The following CELSR3 variants were observed in gnomAD, a reference collection of about 807,000 sequenced individuals.
CELSR3 encodes EGF-like protein 1.
CELSR3 carries 73 observed loss-of-function variants against 270.0 expected under a neutral mutation model. The observed-to-expected ratio is 0.27, with a 90% CI of 0.22 to 0.33. The LOEUF (loss-of-function observed/expected upper bound fraction) is 0.33, where lower values mean the gene tolerates loss of function less well. Ranked by LOEUF, CELSR3 falls within the 10% of genes least tolerant of loss-of-function variation. The pLI is 1.00. For missense variants in CELSR3, 3,614 were observed against 4,533.8 expected (o/e 0.80, Z 5.83); for synonymous variants, 1,780 against 1,905.4 (o/e 0.93, Z 1.71).
In CELSR3 at chr3:48,646,158, T is replaced by C. The variant is rs144325241; in HGVS notation, c.7395A>G (p.Leu2465=). Reference sequence around the variant, plus strand: ...TCGCTGTCTGTAGCAGGCGAAACTCTAGGCTGATGGGGGACTCCAGGATTC... The same window carrying C: ...TCGCTGTCTGTAGCAGGCGAAACTCCAGGCTGATGGGGGACTCCAGGATTC... ...LRGILESPIS[L]EFRLLQTANR... is the part of the protein sequence containing the mutation. Residue 2465 remains leucine (L), a synonymous_variant, in exon 22 of 35, where the codon CTA becomes CTG. Coordinates refer to ENST00000164024, the MANE Select transcript of CELSR3 (RefSeq NM_001407.3). This position sits in a 1 kb window ranked among gnomAD's most constrained non-coding sequence, Gnocchi z 4.8. 5.5e-5 allele frequency: 89 copies of C among 1,612,858 alleles called. No individual in the cohort carries two copies. The highest frequency in any genetic ancestry group is 6.9e-5 in the Non-Finnish European group (81 of 1,179,938).
chr3:48,662,310 G>A lies in CELSR3; in HGVS notation c.325C>T (p.Leu109=). The A allele has an allele frequency of 6.2e-7, 1 of 1,613,078 alleles. No individual in the cohort carries two copies. Among genetic ancestry groups the A allele is most frequent in the South Asian group, 1.1e-5 (1 of 91,092 alleles). The change falls in exon 1 of 35, where the codon CTG becomes TTG. Residue 109 remains leucine (L), a synonymous_variant. Coordinates refer to ENST00000164024, the MANE Select transcript of CELSR3 (RefSeq NM_001407.3). The surrounding 1 kb of genome is among the most constrained non-coding windows in gnomAD (Gnocchi z 7.1). ...GGCTGGACGCCGTGTTCAATCCCCAGCTCCTCATTCGGCTGCTCAGGGGGC... is the reference window on the plus strand; with the variant it reads ...GGCTGGACGCCGTGTTCAATCCCCAACTCCTCATTCGGCTGCTCAGGGGGC... The part of the protein sequence containing the change: ...RGPPEQPNEE[L]GIEHGVQPLG...
At chr3:48,656,453 T>C in intron 2 of CELSR3, 88 bp from the exon 3 acceptor site, 5 of 1,256,196 alleles carry the variant, frequency 4.0e-6, no homozygotes, top group Non-Finnish European at 5.2e-6. Flanking sequence ...AGAGGCCGGG[T>C]GCCAAGACCC....
In CELSR3 at chr3:48,640,069, C is replaced by G. The variant is rs1439340920; in HGVS notation, c.9516G>C (p.Leu3172=). Residue 3172 remains leucine (L), a synonymous_variant, in exon 34 of 35, where the codon CTG becomes CTC. Transcript: ENST00000164024. The surrounding 1 kb of genome is among the most constrained non-coding windows in gnomAD (Gnocchi z 7.5). ...AGAGTTGCCGCTGGGGAGACAGGGG[C>G]AGAGGTGGGGGCTGTGGGTCAAGGT... is the stretch of plus-strand genomic sequence containing the variant. The part of the protein sequence containing the change: ...TRDLDPQPPP[L]PLSPQRQLSR... The G allele has an allele frequency of 6.2e-7, 1 of 1,610,652 alleles. No homozygotes were observed. Among genetic ancestry groups the G allele is most frequent in the African/African-American group, 1.3e-5 (1 of 75,032 alleles).
Position 48,655,949 on chromosome 3 carries a change from A to G in CELSR3, c.4626-98T>C. 4 of 1,199,352 alleles carry G rather than the reference A, an allele frequency of 3.3e-6. No individual in the cohort carries two copies. In the Admixed American group the frequency reaches 8.0e-5, roughly 24 times the overall value. 74.3% of individuals were successfully genotyped at this position (1,199,352 alleles called of 1,614,324 possible). On this transcript the variant is annotated intron_variant, in intron 3 of 34. Coordinates refer to ENST00000164024, the MANE Select transcript of CELSR3 (RefSeq NM_001407.3). This position sits in a 1 kb window ranked among gnomAD's most constrained non-coding sequence, Gnocchi z 5.8. ...TGCGAGGAGAAGGGGCTGGGGCGAGAGAGGAAGCGACGAGGGACGGCGGGA... is the reference window on the plus strand; with the variant it reads ...TGCGAGGAGAAGGGGCTGGGGCGAGGGAGGAAGCGACGAGGGACGGCGGGA...
rs1184940326 is a variant in CELSR3 at position 48,637,845 on chromosome 3, G to A, written c.*360C>T. ...CAGGAAGGAGAGAGAGATGAGCATA[G>A]GGTTTGCTCAGGACCCAAATGGGGT... On this transcript the variant is annotated 3_prime_UTR_variant, in exon 35 of 35. Transcript: ENST00000164024. The A allele has an allele frequency of 3.5e-6, 1 of 284,230 alleles. No homozygotes were observed. The highest frequency in any genetic ancestry group is 6.9e-5 in the South Asian group (1 of 14,498). 17.6% of individuals were successfully genotyped at this position (284,230 alleles called of 1,614,324 possible). A position where few individuals can be genotyped will look rare whatever the true frequency, so the allele number is the denominator to read the frequency against.
Position 48,640,920 on chromosome 3 carries a change from C to G in CELSR3, c.9026-361G>C. The G allele has an allele frequency of 2.4e-6, 1 of 413,164 alleles. No homozygotes were observed. The highest frequency in any genetic ancestry group is 4.3e-6 in the Non-Finnish European group (1 of 230,346). 25.6% of individuals were successfully genotyped at this position (413,164 alleles called of 1,614,324 possible). A position where few individuals can be genotyped will look rare whatever the true frequency, so the allele number is the denominator to read the frequency against. On this transcript the variant is annotated intron_variant, in intron 33 of 34. Transcript: ENST00000164024. The surrounding 1 kb of genome is among the most constrained non-coding windows in gnomAD (Gnocchi z 7.5). ...CCCCGGGTTGGACAGGAGCAGTCCC[C>G]AGGTCCCTGTGATGCAAGGGTGAGG...
Position 48,649,146 on chromosome 3 carries a change from G to A in CELSR3, c.6542C>T (p.Pro2181Leu), listed in dbSNP as rs899610119. Residue 2181 changes from proline to leucine, a missense_variant, in exon 17 of 35, where the codon CCT becomes CTT. Physicochemically the swap from Pro to Leu is moderately conservative, Grantham distance 98. This residue lies in a region of CELSR3 where 1,331 missense variants were observed against 1,933.7 expected (regional missense o/e 0.69). Transcript: ENST00000164024. Reference protein sequence around the residue: ...LEPDLFNCTSPAFRELSLLLD... With the variant: ...LEPDLFNCTSLAFRELSLLLD... ...CAGCAGACTGAGCTCTCGAAAGGCA[G>A]GGGAGGTACAGTTGAAGAGGTCGGG... The A allele has an allele frequency of 1.2e-6, 2 of 1,612,558 alleles. No individual in the cohort carries two copies. The highest frequency in any genetic ancestry group is 2.7e-5 in the African/African-American group (2 of 74,918).
Position 48,644,283 on chromosome 3 carries a change from T to C in CELSR3, c.8098A>G (p.Met2700Val), listed in dbSNP as rs1192921642. 1.9e-6 allele frequency: 3 copies of C among 1,612,600 alleles called. No individual in the cohort carries two copies. The highest frequency in any genetic ancestry group is 2.7e-5 in the African/African-American group (2 of 74,722). ...VVLVIVMNGTMFLLAARTSCS... is the reference protein window; with the variant it reads ...VVLVIVMNGTVFLLAARTSCS... ...GATGTGCGGGCAGCGAGGAGAAACA[T>C]GGTCCCGTTCATCTGGACCCACGGC... The change falls in exon 27 of 35, where the codon ATG (methionine) becomes GTG (valine). Residue 2700 changes from methionine (M) to valine (V), a missense_variant. Met to Val is a conservative substitution (Grantham distance 21). This residue lies in a region of CELSR3 where 1,240 missense variants were observed against 1,351.7 expected (regional missense o/e 0.92). Coordinates refer to ENST00000164024, the MANE Select transcript of CELSR3 (RefSeq NM_001407.3). The surrounding 1 kb of genome is among the most constrained non-coding windows in gnomAD (Gnocchi z 4.8).
intron 18 of CELSR3, 83 bp from the exon 19 acceptor site, chr3:48,648,544 G>A: frequency 7.1e-7 from 1 of 1,417,226 alleles, no homozygotes; most frequent in Non-Finnish European, 9.4e-7. Context: ...GGTCTGGACA[G>A]GTGCTCAGAG....
In CELSR3 at chr3:48,661,877, C is replaced by G. The variant is rs758124853; in HGVS notation, c.758G>C (p.Arg253Thr). 1.9e-6 allele frequency: 3 copies of G among 1,611,144 alleles called. No homozygotes were observed. The highest frequency in any genetic ancestry group is 2.5e-6 in the Non-Finnish European group (3 of 1,179,634). The stretch of plus-strand genomic sequence containing the variant: ...TGCTGAACCTGATGCAGGAGCTGTC[C>G]TCGCCGTGCGTGGTGCTGAATCCAG... ...PELDSAPRTA[R>T]TAPASGSAPR... Residue 253 changes from arginine to threonine, a missense_variant, in exon 1 of 35, where the codon AGG becomes ACG. Arg to Thr is a moderately conservative substitution (Grantham distance 71). Coordinates refer to ENST00000164024, the MANE Select transcript of CELSR3 (RefSeq NM_001407.3).
rs2077035601 is a variant in CELSR3 at position 48,657,938 on chromosome 3, T to C, written c.3749-590A>G. On this transcript the variant is annotated intron_variant, in intron 1 of 34. Transcript: ENST00000164024. This position sits in a 1 kb window ranked among gnomAD's most constrained non-coding sequence, Gnocchi z 5.4. ...AATGCCATCCTCCAGAATCCTGGGT[T>C]ATCAAGCTCCAGGGGGGTCTTGAAC... Among the ~76,000 whole-genome samples, 1 of 152,138 alleles carries C rather than the reference T, an allele frequency of 6.6e-6. No individual in the cohort carries two copies. Among genetic ancestry groups the C allele is most frequent in the African/African-American group, 2.4e-5 (1 of 41,398 alleles).
Position 48,655,853 on chromosome 3 carries a change from TG to T in CELSR3, c.4626-3del. The T allele has an allele frequency of 7.1e-6, 2 of 282,888 alleles. No individual in the cohort carries two copies. The highest frequency in any genetic ancestry group is 1.3e-5 in the Non-Finnish European group (2 of 153,248). 17.5% of individuals were successfully genotyped at this position (282,888 alleles called of 1,614,324 possible). A position where few individuals can be genotyped will look rare whatever the true frequency, so the allele number is the denominator to read the frequency against. Reference sequence around the variant, plus strand: ...CCGCTCTGCTGCACTGTCGCGAACCTGGGCGGGGTGGGAGGGGGTTGCGGGG... The same window carrying T: ...CCGCTCTGCTGCACTGTCGCGAACCTGGCGGGGTGGGAGGGGGTTGCGGGG... On this transcript the variant is annotated splice_region_variant and splice_polypyrimidine_tract_variant and intron_variant, in intron 3 of 34. Coordinates refer to ENST00000164024, the MANE Select transcript of CELSR3 (RefSeq NM_001407.3). The surrounding 1 kb of genome is among the most constrained non-coding windows in gnomAD (Gnocchi z 5.8).
Position 48,644,243 on chromosome 3 carries a change from T to C in CELSR3, c.8138A>G (p.Gln2713Arg), listed in dbSNP as rs749627418. 2.5e-6 allele frequency: 4 copies of C among 1,612,960 alleles called. No homozygotes were observed. The East Asian group carries it at 8.9e-5, about 36-fold the overall frequency. The change falls in exon 27 of 35, where the codon CAG becomes CGG. Residue 2713 changes from glutamine to arginine, a missense_variant. This residue lies in a region of CELSR3 where 1,240 missense variants were observed against 1,351.7 expected (regional missense o/e 0.92). Coordinates refer to ENST00000164024, the MANE Select transcript of CELSR3 (RefSeq NM_001407.3). This position sits in a 1 kb window ranked among gnomAD's most constrained non-coding sequence, Gnocchi z 4.8. ...TGCAGAGGTCTTCTTGGCCTCCCTC[T>C]GCCCTGTGGAGCAGGATGTGCGGGC... ...LAARTSCSTG[Q>R]REAKKTSALT...
chr3:48,645,903 C>T lies in CELSR3; in HGVS notation c.7464-35G>A. 1 of 1,583,156 alleles carries T rather than the reference C, an allele frequency of 6.3e-7. No homozygotes were observed. Among genetic ancestry groups the T allele is most frequent in the Non-Finnish European group, 8.6e-7 (1 of 1,161,346 alleles). On this transcript the variant is annotated intron_variant, in intron 22 of 34. Transcript: ENST00000164024. The surrounding 1 kb of genome is among the most constrained non-coding windows in gnomAD (Gnocchi z 5.4). ...CAGGGCAGTTAGACACAACTGTGAC[C>T]CAGTGTCAGGCAGGGGTTTGTGAGA...
At position 48,653,942 on chromosome 3, in the gene CELSR3, C is replaced by A; in HGVS notation, c.5214G>T (p.Ser1738=). ...SGPCKNSGFC[S]ERWGSFSCDC... is the part of the protein sequence containing the mutation. ...CGCAGCTGAAGCTGCCCCAGCGCTCCGAGCAGAAGCCACTGTTCTTGCAGG... is the reference window on the plus strand; with the variant it reads ...CGCAGCTGAAGCTGCCCCAGCGCTCAGAGCAGAAGCCACTGTTCTTGCAGG... Residue 1738 remains serine, a synonymous_variant, in exon 8 of 35, where the codon TCG becomes TCT. Coordinates refer to ENST00000164024, the MANE Select transcript of CELSR3 (RefSeq NM_001407.3). This position sits in a 1 kb window ranked among gnomAD's most constrained non-coding sequence, Gnocchi z 6.5. The A allele has an allele frequency of 6.2e-7, 1 of 1,613,406 alleles. No individual in the cohort carries two copies. Among genetic ancestry groups the A allele is most frequent in the Non-Finnish European group, 8.5e-7 (1 of 1,179,978 alleles).
chr3:48,658,868 C>G lies in CELSR3; in HGVS notation c.3748+19G>C. 1 of 1,606,950 alleles carries G rather than the reference C, an allele frequency of 6.2e-7. No individual in the cohort carries two copies. The highest frequency in any genetic ancestry group is 1.3e-5 in the African/African-American group (1 of 74,956). ...CAGGTTGGTGTCACTGGGTCACTTG[C>G]CTGCCCCCTGCCCCTCACCTGTGAC... On this transcript the variant is annotated intron_variant, in intron 1 of 34. Coordinates refer to ENST00000164024, the MANE Select transcript of CELSR3 (RefSeq NM_001407.3). The surrounding 1 kb of genome is among the most constrained non-coding windows in gnomAD (Gnocchi z 4.7).
chr3:48,640,699 A>G lies in CELSR3; in HGVS notation c.9026-140T>C. On this transcript the variant is annotated intron_variant, in intron 33 of 34. Coordinates refer to ENST00000164024, the MANE Select transcript of CELSR3 (RefSeq NM_001407.3). This position sits in a 1 kb window ranked among gnomAD's most constrained non-coding sequence, Gnocchi z 7.5. Reference sequence around the variant, plus strand: ...GCAGGAACCCCTTGGGGAGCAGCAGAGGCAACCCTGGTGGTCCCAGAGAGG... The same window carrying G: ...GCAGGAACCCCTTGGGGAGCAGCAGGGGCAACCCTGGTGGTCCCAGAGAGG... 1 of 908,878 alleles carries G rather than the reference A, an allele frequency of 1.1e-6. No homozygotes were observed. Among genetic ancestry groups the G allele is most frequent in the Non-Finnish European group, 1.6e-6 (1 of 625,710 alleles). The allele number at this position is 908,878 out of a possible 1,614,324, so 56.3% of individuals were successfully genotyped here.
intron 27 of CELSR3, 117 bp from the exon 28 acceptor site, chr3:48,643,794 C>T: frequency 8.0e-7 from 1 of 1,255,966 alleles, no homozygotes; most frequent in South Asian, 1.5e-5. Context: ...AAGGAACTCA[C>T]ACGGGAACAT....
Position 48,659,941 on chromosome 3 carries a change from C to T in CELSR3, c.2694G>A (p.Glu898=), listed in dbSNP as rs1201016126. ...GENARITYLL[E]DNLPQFRIDA... ...CAATGCGGAACTGGGGCAGGTTGTC[C>T]TCCAGGAGATAGGTGATACGAGCAT... is the stretch of plus-strand genomic sequence containing the variant. Residue 898 remains glutamate, a synonymous_variant, in exon 1 of 35, where the codon GAG becomes GAA. Transcript: ENST00000164024. This position sits in a 1 kb window ranked among gnomAD's most constrained non-coding sequence, Gnocchi z 8.1. 7 of 1,614,058 alleles carry T rather than the reference C, an allele frequency of 4.3e-6. No homozygotes were observed. The highest frequency in any genetic ancestry group is 5.9e-6 in the Non-Finnish European group (7 of 1,180,044).
Sources: allele counts gnomAD v4.1 joint callset (sites outside exome capture counted in the v4.1 genomes callset), GRCh38; gene constraint gnomAD v4.1.1; regional missense constraint gnomAD v4.1.1; non-coding constraint Gnocchi (gnomAD v3.1); transcripts MANE v1.5; gene names NCBI Gene and HGNC (gene_info 2026-07-23, HGNC 2026-07-21).